The following TAMM41 variants were observed in gnomAD, a reference collection of about 807,000 sequenced individuals.
TAMM41 encodes TAM41 mitochondrial translocator assembly and maintenance homolog, also known as phosphatidate cytidylyltransferase, mitochondrial.
TAMM41 carries 36 observed loss-of-function variants against 44.1 expected under a neutral mutation model. The ratio of observed to expected loss-of-function variants is 0.82; its 90% CI spans 0.63 to 1.08. The LOEUF is 1.08. Ranked by LOEUF, TAMM41 falls within the 50% of genes least tolerant of loss-of-function variation. The probability of loss-of-function intolerance (pLI) is 0.00; values close to 1 mark genes in which losing one functional copy is unlikely to be tolerated. For synonymous variants in TAMM41, 164 were observed against 153.1 expected, an observed-to-expected ratio of 1.07 and a Z score of -0.53; for missense variants, 417 against 404.3, an observed-to-expected ratio of 1.03 and a Z score of -0.27.
intron 7 of TAMM41, 169 bp downstream of exon 7, chr3:11,807,664 T>G (rs950652470): frequency 2.0e-5 from 30 of 1,536,214 alleles, no homozygotes; most frequent in Non-Finnish European, 2.5e-5. Context: ...ACCACCAGGT[T>G]CTGCTGCTGT....
At chr3:11,759,835 G>C in the TAMM41 span, among the ~76,000 whole-genome samples, 3 of 151,952 alleles carry the variant, frequency 2.0e-5, no homozygotes, top group Non-Finnish European at 4.4e-5. Flanking sequence ...TTAGCTGGGC[G>C]TGGTGGCACG....
At chr3:11,837,961 C>G (rs1468004540) in intron 3 of TAMM41, among the ~76,000 whole-genome samples, 1 of 152,142 alleles carries the variant, frequency 6.6e-6, no homozygotes, top group Non-Finnish European at 1.5e-5. Flanking sequence ...TCACACCAAC[C>G]AATTCTCCAG....
chr3:11,790,550 T>A lies in TAMM41; in HGVS notation c.969A>T (p.Leu323=). 2 of 1,614,182 alleles carry A rather than the reference T, an allele frequency of 1.2e-6. No homozygotes were observed. Among genetic ancestry groups the A allele is most frequent in the Non-Finnish European group, 1.7e-6 (2 of 1,180,016 alleles). The change falls in exon 8 of 8, where the codon CTA becomes CTT. Residue 323 remains leucine (L), a synonymous_variant. Transcript: ENST00000455809. The stretch of plus-strand genomic sequence containing the variant: ...ACCCTTTCCACATTTTGTGCAGTTT[T>A]AGTGAACTATAAATCACTGACTTCT... ...GLKKSVIYSS[L]KLHKMWKGWL... is the part of the protein sequence containing the mutation.
At chr3:11,812,767 T>A (rs1270149355) in intron 5 of TAMM41, among the ~76,000 whole-genome samples, 1 of 152,124 alleles carries the variant, frequency 6.6e-6, no homozygotes, top group East Asian at 1.9e-4. Flanking sequence ...TCTCTTAGAG[T>A]ACCCCTTGCC....
At chr3:11,828,556 C>T (rs2078854141) in intron 4 of TAMM41, among the ~76,000 whole-genome samples, 1 of 152,180 alleles carries the variant, frequency 6.6e-6, no homozygotes, top group South Asian at 2.1e-4. Context: ...AAGGTAATCA[C>T]TCTAATAAAG....
At chr3:11,739,818 T>C in the TAMM41 span, among the ~76,000 whole-genome samples, 3 of 151,554 alleles carry the variant, frequency 2.0e-5, no homozygotes, top group African/African-American at 7.3e-5. Context: ...GAGACTCAAA[T>C]AAATTCCTTT....
chr3:11,821,998 G>T (rs2078541552), intron 4 of TAMM41, among the ~76,000 whole-genome samples: 1 of 152,212 alleles, frequency 6.6e-6, no homozygotes, highest in African/African-American at 2.4e-5. Flanking sequence ...CAGGCGATGT[G>T]TATGAGGTGT....
chr3:11,810,287 T>TA (rs1299471600), intron 5 of TAMM41, among the ~76,000 whole-genome samples: 5 of 152,342 alleles, frequency 3.3e-5, no homozygotes, highest in Admixed American at 6.5e-5. Flanking sequence ...CAATACAACT[T>TA]AGTTGTCCTA....
the TAMM41 span, among the ~76,000 whole-genome samples, chr3:11,741,272 T>C: frequency 7.0e-6 from 1 of 142,770 alleles, no homozygotes; most frequent in Admixed American, 6.9e-5. Flanking sequence ...TGGTGTGGGC[T>C]ACTGTTTCCA....
At chr3:11,808,076 C>G (rs2077972690) in intron 6 of TAMM41, 181 bp from the exon 7 acceptor site, 23 of 1,245,078 alleles carry the variant, frequency 1.8e-5, no homozygotes, top group Non-Finnish European at 2.4e-5. Context: ...GCCAGGAGAC[C>G]AGAGCAGCCA....
intron 4 of TAMM41, among the ~76,000 whole-genome samples, chr3:11,818,472 TA>T (rs1454056462): frequency 6.6e-6 from 1 of 152,060 alleles, no homozygotes; most frequent in African/African-American, 2.4e-5. Context: ...TTAGAAAAAG[TA>T]AAAATACAAG....
Position 11,844,150 on chromosome 3 carries a change from A to T in TAMM41, c.197T>A (p.Leu66Gln). Residue 66 changes from leucine (L) to glutamine (Q), a missense_variant, in exon 2 of 8, where the codon CTG (leucine) becomes CAG (glutamine). Transcript: ENST00000455809. ...AGAGTAGTGACTCCAATTTTTCTTC[A>T]GGTTCTTTGAATGCCATGCGACAGG... ...DDPVAWHSKNLKKNWSHYSFL... is the reference protein window; with the variant it reads ...DDPVAWHSKNQKKNWSHYSFL... The T allele has an allele frequency of 6.2e-7, 1 of 1,614,204 alleles. No homozygotes were observed. Among genetic ancestry groups the T allele is most frequent in the Non-Finnish European group, 8.5e-7 (1 of 1,180,022 alleles).
intron 2 of TAMM41, among the ~76,000 whole-genome samples, chr3:11,840,236 AT>A (rs34715548): frequency 0.014 from 2,084 of 145,274 alleles, 43 homozygotes; most frequent in African/African-American, 0.048. Context: ...AATTAAACTC[AT>A]TTTTTTTTTT....
Position 11,844,189 on chromosome 3 carries a change from A to G in TAMM41, c.158T>C (p.Phe53Ser). 6.2e-7 allele frequency: 1 copy of G among 1,614,216 alleles called. No individual in the cohort carries two copies. Among genetic ancestry groups the G allele is most frequent in the Non-Finnish European group, 8.5e-7 (1 of 1,180,030 alleles). The part of the protein sequence containing the change: ...DQKNAMLDFV[F>S]TVDDPVAWHS... ...CCATGCGACAGGGTCATCTACTGTG[A>G]ACACAAAGTCCAGCATAGCATTCTG... The change falls in exon 2 of 8, where the codon TTC (phenylalanine) becomes TCC (serine). Residue 53 changes from phenylalanine to serine, a missense_variant. Coordinates refer to ENST00000455809, the MANE Select transcript of TAMM41 (RefSeq NM_001284401.2).
At chr3:11,785,038 G>A in the TAMM41 span, among the ~76,000 whole-genome samples, 10 of 152,002 alleles carry the variant, frequency 6.6e-5, no homozygotes, top group African/African-American at 2.4e-4. Context: ...AGCTGCTGCT[G>A]GTGTATGGAA....
chr3:11,813,991 TAC>T (rs35804902), intron 5 of TAMM41, among the ~76,000 whole-genome samples: 11,149 of 145,750 alleles, frequency 0.076, 756 homozygotes, highest in African/African-American at 0.19. Flanking sequence ...CACCTGTGTA[TAC>T]ACACACACAC....
At chr3:11,775,313 T>G in the TAMM41 span, among the ~76,000 whole-genome samples, 1 of 152,182 alleles carries the variant, frequency 6.6e-6, no homozygotes, top group Non-Finnish European at 1.5e-5. Flanking sequence ...GCCCCCACGT[T>G]TGCCAGGCTT....
Position 11,805,818 on chromosome 3 carries a change from G to A in TAMM41, c.937+2015C>T, listed in dbSNP as rs137961104. 3.9e-5 allele frequency among the ~76,000 whole-genome samples: 6 copies of A among 152,154 alleles called. No individual in the cohort carries two copies. The East Asian group carries it at 5.8e-4, about 15-fold the overall frequency. On this transcript the variant is annotated intron_variant, in intron 7 of 7. Coordinates refer to ENST00000455809, the MANE Select transcript of TAMM41 (RefSeq NM_001284401.2). ...GTCTCTTTTCCCTTCTAAATTATACGCCTCTGCAAGTCAGTATAGCATTTG... is the reference window on the plus strand; with the variant it reads ...GTCTCTTTTCCCTTCTAAATTATACACCTCTGCAAGTCAGTATAGCATTTG...
At chr3:11,802,001 G>A (rs867007567) in intron 7 of TAMM41, among the ~76,000 whole-genome samples, 20 of 152,172 alleles carry the variant, frequency 1.3e-4, no homozygotes, top group Middle Eastern at 6.8e-3. Context: ...CTGGCGGATC[G>A]AGATTCTAGG....
Sources: gnomAD v4.1 joint callset for allele counts (sites outside exome capture counted in the v4.1 genomes callset) on GRCh38, gnomAD v4.1.1 for gene constraint, MANE v1.5 for transcripts, NCBI Gene and HGNC (gene_info 2026-07-23, HGNC 2026-07-21) for gene names.